Variants in TRPM3 observed in about 807,000 individuals in gnomAD.
TRPM3 encodes the protein long transient receptor potential channel 3.
In TRPM3, 77 loss-of-function variants were observed where a neutral mutation model predicts 181.2. The ratio of observed to expected loss-of-function variants is 0.42; its 90% CI spans 0.35 to 0.51. The LOEUF is 0.51. Among genes scored for constraint, TRPM3 ranks in the 20% least tolerant of loss-of-function variants. The pLI, the probability that TRPM3 is intolerant of heterozygous loss-of-function variation, is 0.01. For missense variants in TRPM3, 1,759 were observed against 2,196.7 expected (o/e 0.80, Z 3.98); for synonymous variants, 745 against 796.4 (o/e 0.94, Z 1.09).
intron 8 of TRPM3, among the ~76,000 whole-genome samples, chr9:70,690,048 C>A (rs150861161): frequency 3.6e-4 from 55 of 152,042 alleles, no homozygotes; most frequent in Admixed American, 1.8e-3. Flanking sequence ...AGCAATGAAT[C>A]CATGAAAATA....
At chr9:70,561,606 C>T (rs1178900662) in intron 22 of TRPM3, among the ~76,000 whole-genome samples, 2 of 152,134 alleles carry the variant, frequency 1.3e-5, no homozygotes, top group Non-Finnish European at 2.9e-5. Context: ...TACTAGCATC[C>T]CCTTTTACTT....
chr9:70,577,970 C>G (rs1468440502), intron 22 of TRPM3, among the ~76,000 whole-genome samples: 1 of 152,194 alleles, frequency 6.6e-6, no homozygotes, highest in African/African-American at 2.4e-5. Flanking sequence ...TGACATTTTA[C>G]TTCTGAAGCT....
intron 1 of TRPM3, among the ~76,000 whole-genome samples, chr9:71,319,587 C>A (rs1270226685): frequency 6.6e-6 from 1 of 152,130 alleles, no homozygotes; most frequent in East Asian, 1.9e-4. Context: ...CTGACATTCT[C>A]TCTGGAAATG....
At chr9:70,671,705 T>C (rs1051754074) in intron 9 of TRPM3, among the ~76,000 whole-genome samples, 3 of 152,136 alleles carry the variant, frequency 2.0e-5, no homozygotes, top group African/African-American at 7.2e-5. Context: ...CCCTGGAACA[T>C]AGATTTATAG....
intron 1 of TRPM3, among the ~76,000 whole-genome samples, chr9:71,001,082 T>C (rs113070447): frequency 1.3e-3 from 199 of 152,298 alleles, no homozygotes; most frequent in African/African-American, 4.5e-3. Context: ...GAGAGATTGG[T>C]GTAGCACTTG....
intron 11 of TRPM3, among the ~76,000 whole-genome samples, chr9:70,635,462 ATTTTTT>A (rs71505401): frequency 8.0e-5 from 9 of 113,130 alleles, no homozygotes; most frequent in Non-Finnish European, 1.5e-4. Flanking sequence ...TTTGTCAGTG[ATTTTTT>A]TTTTTTTTTT....
intron 1 of TRPM3, among the ~76,000 whole-genome samples, chr9:71,162,467 T>A (rs1364125793): frequency 6.6e-6 from 1 of 152,074 alleles, no homozygotes; most frequent in Non-Finnish European, 1.5e-5. Flanking sequence ...TTTATTGTAC[T>A]CTTATTTAAG....
chr9:71,162,256 T>C (rs948840070), intron 1 of TRPM3, among the ~76,000 whole-genome samples: 2 of 147,906 alleles, frequency 1.4e-5, no homozygotes, highest in African/African-American at 5.0e-5. Flanking sequence ...AATAGCTGCA[T>C]TGTGGATTAG....
intron 7 of TRPM3, 79 bp from the exon 8 acceptor site, chr9:70,761,803 A>G (rs1238142757): frequency 1.3e-6 from 2 of 1,503,666 alleles, no homozygotes; most frequent in African/African-American, 2.8e-5. Flanking sequence ...AGAGCTCAAG[A>G]GGAAATAATG....
intron 22 of TRPM3, among the ~76,000 whole-genome samples, chr9:70,560,781 G>A (rs151262289): frequency 9.5e-4 from 144 of 152,342 alleles, no homozygotes; most frequent in African/African-American, 3.0e-3. Context: ...GATGAAGTAC[G>A]AGTACACAGA....
chr9:71,270,058 GT>G (rs1304590628), intron 1 of TRPM3, among the ~76,000 whole-genome samples: 1 of 151,970 alleles, frequency 6.6e-6, no homozygotes, highest in Admixed American at 6.6e-5. Context: ...TTGTATTTTT[GT>G]TCAATATGTA....
chr9:70,840,504 G>T (rs888126820), intron 5 of TRPM3, among the ~76,000 whole-genome samples: 1 of 152,060 alleles, frequency 6.6e-6, no homozygotes, highest in Non-Finnish European at 1.5e-5. Context: ...TCTGCCCTCT[G>T]TGCTAGGATC....
intron 1 of TRPM3, among the ~76,000 whole-genome samples, chr9:71,159,546 G>A (rs774883632): frequency 2.0e-5 from 3 of 151,978 alleles, no homozygotes; most frequent in Admixed American, 6.6e-5. Context: ...TAAAGCCTAC[G>A]AATATATCAT....
At chr9:71,268,009 T>G (rs2083505555) in intron 1 of TRPM3, among the ~76,000 whole-genome samples, 1 of 152,228 alleles carries the variant, frequency 6.6e-6, no homozygotes, top group South Asian at 2.1e-4. Flanking sequence ...AAGATTCTGA[T>G]GAGCAAATGA....
intron 1 of TRPM3, among the ~76,000 whole-genome samples, chr9:71,309,130 T>G (rs915330707): frequency 6.6e-6 from 1 of 152,178 alleles, no homozygotes; most frequent in African/African-American, 2.4e-5. Context: ...AATCTTTTAA[T>G]GTGCATCGAG....
chr9:71,189,089 G>A (rs1425206665), intron 1 of TRPM3, among the ~76,000 whole-genome samples: 2 of 151,770 alleles, frequency 1.3e-5, no homozygotes, highest in African/African-American at 4.8e-5. Context: ...GGATACTTCT[G>A]AACATGAGTC....
At chr9:71,255,432 C>G (rs184834634) in intron 1 of TRPM3, among the ~76,000 whole-genome samples, 1,648 of 152,218 alleles carry the variant, frequency 0.011, 27 homozygotes, top group East Asian at 0.075. Flanking sequence ...CACCATCCTG[C>G]CCACATTTGC....
rs370591313 is a variant in TRPM3 at position 71,343,533 on chromosome 9, T to C, written c.183+103120A>G. On this transcript the variant is annotated intron_variant, in intron 1 of 24. Coordinates refer to the TRPM3 transcript ENST00000357533. ...GGACACTCACATGGAAGAAAGGAGA[T>C]ACAAATATGGAATGAAAGAAAGCAC... Among the ~76,000 whole-genome samples the C allele has an allele frequency of 9.9e-4, 151 of 152,206 alleles. 1 individual carries two copies. The highest frequency in any genetic ancestry group is 6.0e-3 in the South Asian group (29 of 4,826).
At chr9:71,007,039 CAAAAAAAAA>C (rs59442017) in intron 1 of TRPM3, among the ~76,000 whole-genome samples, 2 of 27,972 alleles carry the variant, frequency 7.2e-5, no homozygotes, top group African/African-American at 3.0e-4. Context: ...AACTCCATCT[CAAAAAAAAA>C]AAAAAAAAAA....
Sources: allele counts gnomAD v4.1 joint callset (sites outside exome capture counted in the v4.1 genomes callset), GRCh38; gene constraint gnomAD v4.1.1; transcripts MANE v1.5; gene names NCBI Gene and HGNC (gene_info 2026-07-23, HGNC 2026-07-21).